Variants in AGBL3 observed in about 807,000 individuals in gnomAD.
AGBL3 encodes the protein AGBL carboxypeptidase 3.
In AGBL3, 68 loss-of-function variants were observed where a neutral mutation model predicts 94.5. The ratio of observed to expected loss-of-function variants is 0.72; its 90% CI spans 0.59 to 0.88. The LOEUF (loss-of-function observed/expected upper bound fraction) is 0.88. AGBL3 is among the 40% of genes least tolerant of loss of function. The pLI is 0.00. For synonymous variants in AGBL3, 354 were observed against 370.7 expected, an observed-to-expected ratio of 0.95 and a Z score of 0.52; for missense variants, 934 against 1,103.8, an observed-to-expected ratio of 0.85 and a Z score of 2.18.
At chr7:135,069,768 G>A (rs960424002) in intron 12 of AGBL3, among the ~76,000 whole-genome samples, 1 of 152,130 alleles carries the variant, frequency 6.6e-6, no homozygotes, top group African/African-American at 2.4e-5. Context: ...ACAAGAGAAA[G>A]CAGGAAATAT....
At chr7:135,012,730 G>A (rs551706479) in intron 4 of AGBL3, among the ~76,000 whole-genome samples, 1 of 152,050 alleles carries the variant, frequency 6.6e-6, no homozygotes, top group Non-Finnish European at 1.5e-5. Flanking sequence ...TAACAACTTA[G>A]CATACATGTA....
intron 12 of AGBL3, among the ~76,000 whole-genome samples, chr7:135,063,234 T>TTC (rs1349733946): frequency 6.6e-6 from 1 of 151,972 alleles, no homozygotes; most frequent in Non-Finnish European, 1.5e-5. Flanking sequence ...TATCTGAGTC[T>TTC]TCTCTCTCTC....
intron 15 of AGBL3, among the ~76,000 whole-genome samples, chr7:135,111,044 C>G (rs1441817164): frequency 6.6e-6 from 1 of 152,150 alleles, no homozygotes; most frequent in Non-Finnish European, 1.5e-5. Context: ...TTTCCTCTCT[C>G]TCTCCTACCT....
At chr7:135,048,784 T>C (rs747005459) in intron 11 of AGBL3, among the ~76,000 whole-genome samples, 2 of 151,732 alleles carry the variant, frequency 1.3e-5, no homozygotes, top group Non-Finnish European at 3.0e-5. Context: ...CCATAGGGTT[T>C]TCTATATACA....
At chr7:135,128,347 A>C in intron 16 of AGBL3, 2 of 300,286 alleles carry the variant, frequency 6.7e-6, no homozygotes. Flanking sequence ...ACAACAAGGC[A>C]TTTGTAAACT....
Position 135,034,240 on chromosome 7 carries a change from G to T in AGBL3, c.649G>T (p.Ala217Ser). 2 of 1,551,612 alleles carry T rather than the reference G, an allele frequency of 1.3e-6. No individual in the cohort carries two copies. Among genetic ancestry groups the T allele is most frequent in the Non-Finnish European group, 1.7e-6 (2 of 1,146,954 alleles). ...CTATTTCCAAGTCACTAATATGCGA[G>T]CAGGAATAGTCTACAGATTCACTAT... ...WYYFQVTNMRAGIVYRFTIVN... is the reference protein window; with the variant it reads ...WYYFQVTNMRSGIVYRFTIVN... Residue 217 changes from alanine (A) to serine (S), a missense_variant, in exon 7 of 17, where the codon GCA (alanine) becomes TCA (serine). Ala to Ser is a moderately conservative substitution (Grantham distance 99). Coordinates refer to ENST00000436302, the MANE Select transcript of AGBL3 (RefSeq NM_178563.4).
intron 15 of AGBL3, among the ~76,000 whole-genome samples, chr7:135,109,943 G>A (rs1383142237): frequency 6.6e-6 from 1 of 152,220 alleles, no homozygotes; most frequent in East Asian, 1.9e-4. Context: ...ACCAGTAAGG[G>A]TGACTGGTGA....
chr7:135,087,298 T>G (rs1821408755), intron 15 of AGBL3, among the ~76,000 whole-genome samples: 1 of 151,976 alleles, frequency 6.6e-6, no homozygotes, highest in Non-Finnish European at 1.5e-5. Flanking sequence ...TTCATTTCAT[T>G]GATCTTTTAT....
At chr7:135,110,426 G>A (rs1825458898) in intron 15 of AGBL3, among the ~76,000 whole-genome samples, 1 of 152,150 alleles carries the variant, frequency 6.6e-6, no homozygotes, top group African/African-American at 2.4e-5. Flanking sequence ...CTGAGTAGCT[G>A]CTCTGCCAAG....
At chr7:135,089,179 T>C (rs1382368705) in intron 15 of AGBL3, among the ~76,000 whole-genome samples, 1 of 152,200 alleles carries the variant, frequency 6.6e-6, no homozygotes, top group Non-Finnish European at 1.5e-5. Flanking sequence ...TTTTATTTCA[T>C]TCATTGAATG....
At chr7:135,123,473 G>A (rs1827428292) in intron 16 of AGBL3, among the ~76,000 whole-genome samples, 1 of 152,164 alleles carries the variant, frequency 6.6e-6, no homozygotes, top group African/African-American at 2.4e-5. Flanking sequence ...CACGCTTTAT[G>A]ATATTATCCA....
At chr7:135,131,913 AT>A (rs1828832030) in intron 16 of AGBL3, among the ~76,000 whole-genome samples, 2 of 152,144 alleles carry the variant, frequency 1.3e-5, no homozygotes. Flanking sequence ...CTACACACAA[AT>A]TTGACAACTT....
At chr7:135,037,378 G>T in intron 7 of AGBL3, 40 bp from the exon 8 acceptor site, 1 of 1,490,532 alleles carries the variant, frequency 6.7e-7, no homozygotes, top group Non-Finnish European at 8.9e-7. Context: ...GAAGAAAAAT[G>T]CAGAGATAAA....
At chr7:135,000,084 C>T (rs1181167442) in intron 4 of AGBL3, among the ~76,000 whole-genome samples, 1 of 152,220 alleles carries the variant, frequency 6.6e-6, no homozygotes, top group African/African-American at 2.4e-5. Flanking sequence ...GTCCCAGTAA[C>T]ATTGTCCTGT....
intron 6 of AGBL3, among the ~76,000 whole-genome samples, chr7:135,033,387 A>C (rs1247266535): frequency 6.6e-6 from 1 of 152,194 alleles, no homozygotes. Context: ...GTCCATGGCC[A>C]CATACCTATC....
intron 15 of AGBL3, among the ~76,000 whole-genome samples, chr7:135,112,818 C>T (rs1825823881): frequency 6.6e-6 from 1 of 152,148 alleles, no homozygotes; most frequent in Non-Finnish European, 1.5e-5. Context: ...TGCTCTGTCA[C>T]ACAGGCTGGA....
At position 135,135,507 on chromosome 7, in the gene AGBL3, G is replaced by T. The variant is rs1334208609; in HGVS notation, c.*246G>T. ...AGATATTTATATTTAGTTTTTATCA[G>T]CATGGAAAAAAATCTCTGAAGTTTT... is the stretch of plus-strand genomic sequence containing the variant. On this transcript the variant is annotated 3_prime_UTR_variant, in exon 17 of 17. Transcript: ENST00000436302. 6.9e-6 allele frequency: 2 copies of T among 289,490 alleles called. No homozygotes were observed. The highest frequency in any genetic ancestry group is 9.3e-4 in the Middle Eastern group (1 of 1,070). The allele number at this position is 289,490 out of a possible 1,614,324, so 17.9% of individuals were successfully genotyped here.
intron 12 of AGBL3, among the ~76,000 whole-genome samples, chr7:135,073,575 T>G (rs1820170977): frequency 6.6e-6 from 1 of 152,044 alleles, no homozygotes; most frequent in African/African-American, 2.4e-5. Flanking sequence ...GACACCAAGT[T>G]AAAGAAGGAA....
chr7:135,040,579 GAA>G (rs34961381), intron 8 of AGBL3, among the ~76,000 whole-genome samples: 12 of 146,986 alleles, frequency 8.2e-5, no homozygotes, highest in African/African-American at 1.5e-4. Context: ...ATCTTGTTAT[GAA>G]AAAAAAAAAA....
Sources: gnomAD v4.1 joint callset for allele counts (sites outside exome capture counted in the v4.1 genomes callset) on GRCh38, gnomAD v4.1.1 for gene constraint, MANE v1.5 for transcripts, NCBI Gene and HGNC (gene_info 2026-07-23, HGNC 2026-07-21) for gene names.